The following DIP2B variants were observed in gnomAD, a reference collection of about 807,000 sequenced individuals.
The protein encoded by DIP2B is disco-interacting protein 2 homolog B.
DIP2B carries 76 observed loss-of-function variants against 198.0 expected under a neutral mutation model. The ratio of observed to expected loss-of-function variants is 0.38; its 90% CI spans 0.32 to 0.46. The LOEUF is 0.46. DIP2B is among the 20% of genes least tolerant of loss of function. DIP2B has a pLI of 0.99. For synonymous variants in DIP2B, 701 were observed against 739.1 expected, an observed-to-expected ratio of 0.95 and a Z score of 0.84; for missense variants, 1,559 against 1,978.4, an observed-to-expected ratio of 0.79 and a Z score of 4.02.
In DIP2B at chr12:50,744,975, T is replaced by C; in HGVS notation, c.*136T>C. ...TATTCTTCATCTCATCCTGTGGGAT[T>C]CTGCAATCATAAAACACAGGAAAGG... On this transcript the variant is annotated 3_prime_UTR_variant, in exon 38 of 38. Transcript: ENST00000301180. The C allele has an allele frequency of 9.0e-7, 1 of 1,106,144 alleles. No individual in the cohort carries two copies. Among genetic ancestry groups the C allele is most frequent in the Admixed American group, 2.7e-5 (1 of 36,948 alleles). The allele number at this position is 1,106,144 out of a possible 1,614,324, so 68.5% of individuals were successfully genotyped here. A position where few individuals can be genotyped will look rare whatever the true frequency, so the allele number is the denominator to read the frequency against.
intron 1 of DIP2B, among the ~76,000 whole-genome samples, chr12:50,567,386 A>T (rs957917631): frequency 6.6e-6 from 1 of 152,184 alleles, no homozygotes; most frequent in African/African-American, 2.4e-5. Flanking sequence ...GTGTAGCTTC[A>T]TGTAACTACT....
chr12:50,578,171 C>T (rs1958680385), intron 1 of DIP2B, among the ~76,000 whole-genome samples: 1 of 152,082 alleles, frequency 6.6e-6, no homozygotes, highest in African/African-American at 2.4e-5. Context: ...CCACAGCCAG[C>T]TAATTTTTGT....
chr12:50,539,299 CTT>C (rs1339251422), intron 1 of DIP2B, among the ~76,000 whole-genome samples: 1 of 148,946 alleles, frequency 6.7e-6, no homozygotes, highest in Admixed American at 6.7e-5. Context: ...GGCACTATCT[CTT>C]ATGGAATATT....
intron 1 of DIP2B, among the ~76,000 whole-genome samples, chr12:50,560,529 G>T (rs1253781778): frequency 2.0e-5 from 3 of 152,074 alleles, no homozygotes; most frequent in Non-Finnish European, 2.9e-5. Context: ...ATTCACTCCA[G>T]CCTGGGCAAC....
At chr12:50,609,652 A>G (rs895348120) in intron 1 of DIP2B, among the ~76,000 whole-genome samples, 2 of 152,172 alleles carry the variant, frequency 1.3e-5, no homozygotes, top group Non-Finnish European at 2.9e-5. Flanking sequence ...CATTGGCCAG[A>G]CCTTAGTAAT....
At chr12:50,567,567 A>G (rs942318676) in intron 1 of DIP2B, among the ~76,000 whole-genome samples, 1 of 152,112 alleles carries the variant, frequency 6.6e-6, no homozygotes, top group Non-Finnish European at 1.5e-5. Context: ...TTGCTCTGTC[A>G]CGCAAGCTGG....
intron 37 of DIP2B, among the ~76,000 whole-genome samples, chr12:50,743,244 G>A (rs916793800): frequency 9.9e-5 from 15 of 151,954 alleles, no homozygotes; most frequent in African/African-American, 2.2e-4. Flanking sequence ...AACCATGCCC[G>A]GCTAATTTTT....
At chr12:50,540,053 GTTTTTTT>G (rs60978324) in intron 1 of DIP2B, among the ~76,000 whole-genome samples, 3 of 44,166 alleles carry the variant, frequency 6.8e-5, no homozygotes, top group African/African-American at 2.1e-4. Flanking sequence ...TTGTTTCTGT[GTTTTTTT>G]TTTTTTTTTT....
Position 50,744,642 on chromosome 12 carries a change from G to A in DIP2B, c.4534G>A (p.Glu1512Lys). The change falls in exon 38 of 38, where the codon GAA becomes AAA. Residue 1512 changes from glutamate to lysine, a missense_variant. Glu to Lys is a moderately conservative substitution (Grantham distance 56, BLOSUM62 1). Coordinates refer to ENST00000301180, the MANE Select transcript of DIP2B (RefSeq NM_173602.3). ...LVVVVELCGSEQEALDLVPLV... is the reference protein window; with the variant it reads ...LVVVVELCGSKQEALDLVPLV... ...GGTGGTTGTGGAACTGTGCGGCTCT[G>A]AACAGGAAGCCCTAGATCTGGTCCC... 2 of 1,614,196 alleles carry A rather than the reference G, an allele frequency of 1.2e-6. No individual in the cohort carries two copies. Among genetic ancestry groups the A allele is most frequent in the Non-Finnish European group, 1.7e-6 (2 of 1,180,044 alleles).
Position 50,649,204 on chromosome 12 carries a change from G to A in DIP2B, c.301+8352G>A, listed in dbSNP as rs1050949505. Among the ~76,000 whole-genome samples the A allele has an allele frequency of 4.6e-5, 7 of 152,076 alleles. No individual in the cohort carries two copies. The East Asian group carries it at 7.7e-4, about 17-fold the overall frequency. On this transcript the variant is annotated intron_variant, in intron 3 of 37. Transcript: ENST00000301180. ...TACTTTACAAATCTAATCTAATGCC[G>A]ATAAAAGCTATCAAATTTATTTATA...
intron 1 of DIP2B, among the ~76,000 whole-genome samples, chr12:50,556,962 G>A (rs948053909): frequency 4.0e-5 from 6 of 151,884 alleles, no homozygotes; most frequent in South Asian, 2.1e-4. Flanking sequence ...CACCTACATC[G>A]GCCTCCCATA....
chr12:50,645,865 A>G (rs1938341152), intron 3 of DIP2B, among the ~76,000 whole-genome samples: 1 of 152,078 alleles, frequency 6.6e-6, no homozygotes, highest in Non-Finnish European at 1.5e-5. Flanking sequence ...TTATTATGTT[A>G]TAGTAATATA....
At chr12:50,672,618 A>G (rs556056427) in intron 5 of DIP2B, among the ~76,000 whole-genome samples, 1 of 152,244 alleles carries the variant, frequency 6.6e-6, no homozygotes, top group Non-Finnish European at 1.5e-5. Context: ...AGTTACTCAC[A>G]GAAACCATTT....
At chr12:50,734,220 C>G in intron 33 of DIP2B, 24 bp downstream of exon 33, 1 of 1,612,604 alleles carries the variant, frequency 6.2e-7, no homozygotes, top group Non-Finnish European at 8.5e-7. Flanking sequence ...ATTAATGCTC[C>G]TTTCCTACTA....
At chr12:50,606,932 G>A (rs1356277642) in intron 1 of DIP2B, among the ~76,000 whole-genome samples, 2 of 151,804 alleles carry the variant, frequency 1.3e-5, no homozygotes, top group African/African-American at 4.8e-5. Flanking sequence ...TCAGCCTCCT[G>A]AATAGCTAGG....
chr12:50,524,628 T>C (rs1285260784), intron 1 of DIP2B, among the ~76,000 whole-genome samples: 1 of 152,226 alleles, frequency 6.6e-6, no homozygotes, highest in Non-Finnish European at 1.5e-5. Flanking sequence ...ATGTGCCACA[T>C]AGGTGCAGGT....
intron 2 of DIP2B, among the ~76,000 whole-genome samples, chr12:50,626,525 A>G (rs548466558): frequency 6.6e-6 from 1 of 152,342 alleles, no homozygotes; most frequent in South Asian, 2.1e-4. Context: ...CACATTGTTT[A>G]TATATCAGAA....
chr12:50,505,939 A>AG (rs1443203856), intron 1 of DIP2B, among the ~76,000 whole-genome samples: 1 of 151,910 alleles, frequency 6.6e-6, no homozygotes, highest in Non-Finnish European at 1.5e-5. Flanking sequence ...TGATGAAGGA[A>AG]GGAGAGGAGG....
chr12:50,561,224 C>T (rs1958517086), intron 1 of DIP2B, among the ~76,000 whole-genome samples: 1 of 152,200 alleles, frequency 6.6e-6, no homozygotes, highest in Admixed American at 6.5e-5. Flanking sequence ...TCTTCATTAA[C>T]TGTGCTAGAG....
Sources: gnomAD v4.1 joint callset for allele counts (sites outside exome capture counted in the v4.1 genomes callset) on GRCh38, gnomAD v4.1.1 for gene constraint, MANE v1.5 for transcripts, NCBI Gene and HGNC (gene_info 2026-07-23, HGNC 2026-07-21) for gene names.